Variants in NT5E observed in about 807,000 individuals in gnomAD.
NT5E encodes the protein 5'-nucleotidase.
In NT5E, 53 loss-of-function variants were observed where a neutral mutation model predicts 55.1. That is an observed-to-expected ratio of 0.96 (90% CI 0.77 to 1.21). The LOEUF is 1.21. Ranked by LOEUF, NT5E falls within the 50% of genes most tolerant of loss-of-function variation. The pLI is 0.00. For missense variants in NT5E, 683 were observed against 724.3 expected (o/e 0.94, Z 0.65); for synonymous variants, 270 against 278.4 (o/e 0.97, Z 0.30).
At chr6:85,457,747 T>G (rs564094814) in intron 1 of NT5E, among the ~76,000 whole-genome samples, 2 of 152,294 alleles carry the variant, frequency 1.3e-5, no homozygotes, top group East Asian at 3.9e-4. Flanking sequence ...AAATCTTCAT[T>G]CAGCATTACT....
chr6:85,463,554 A>G (rs563795774), intron 1 of NT5E, among the ~76,000 whole-genome samples: 1 of 152,348 alleles, frequency 6.6e-6, no homozygotes, highest in South Asian at 2.1e-4. Context: ...GAACTTTCAG[A>G]GAGGACCAAA....
chr6:85,476,764 C>T (rs1266105797), intron 3 of NT5E, among the ~76,000 whole-genome samples: 1 of 152,144 alleles, frequency 6.6e-6, no homozygotes, highest in Non-Finnish European at 1.5e-5. Context: ...CCCAGCTGAA[C>T]TCTTCTCCGA....
Position 85,471,405 on chromosome 6 carries a change from C to T in NT5E, c.731C>T (p.Ser244Phe), listed in dbSNP as rs747044272. ...GTGGACGTCGTGGTGGGAGGACACTCCAACACATTTCTTTACACAGGTAAT... is the reference window on the plus strand; with the variant it reads ...GTGGACGTCGTGGTGGGAGGACACTTCAACACATTTCTTTACACAGGTAAT... Reference protein sequence around the residue: ...RGVDVVVGGHSNTFLYTGNPP... With the variant: ...RGVDVVVGGHFNTFLYTGNPP... Residue 244 changes from serine to phenylalanine, a missense_variant, in exon 3 of 9, where the codon TCC (serine) becomes TTC (phenylalanine). Ser to Phe is a radical substitution (Grantham distance 155). Transcript: ENST00000257770. 1.9e-6 allele frequency: 3 copies of T among 1,612,770 alleles called. No individual in the cohort carries two copies. The highest frequency in any genetic ancestry group is 2.5e-6 in the Non-Finnish European group (3 of 1,179,144).
rs1446374628 is a variant in NT5E, at chr6:85,452,880, GT to G, written c.339+2404del. Among the ~76,000 whole-genome samples the G allele has an allele frequency of 6.6e-5, 10 of 152,320 alleles. No individual in the cohort carries two copies. The East Asian group carries it at 1.9e-3, about 29-fold the overall frequency. On this transcript the variant is annotated intron_variant, in intron 1 of 8. Coordinates refer to ENST00000257770, the MANE Select transcript of NT5E (RefSeq NM_002526.4). ...GGGATTCAAATCAGGGTGGAAAACAGTTGTGGAGGGGCATCTCCAGTTTCCT... is the reference window on the plus strand; with the variant it reads ...GGGATTCAAATCAGGGTGGAAAACAGTGTGGAGGGGCATCTCCAGTTTCCT...
Position 85,450,465 on chromosome 6 carries a change from G to C in NT5E, c.326G>C (p.Arg109Pro). The C allele has an allele frequency of 6.3e-7, 1 of 1,595,108 alleles. No homozygotes were observed. Among genetic ancestry groups the C allele is most frequent in the South Asian group, 1.1e-5 (1 of 87,508 alleles). ...AEVAHFMNALRYDAMALGNHE... is the reference protein window; with the variant it reads ...AEVAHFMNALPYDAMALGNHE... Reference sequence around the variant, plus strand: ...GTGGCGCACTTCATGAACGCCCTGCGCTACGATGCCATGGTAAGACCCGAG... The same window carrying C: ...GTGGCGCACTTCATGAACGCCCTGCCCTACGATGCCATGGTAAGACCCGAG... The change falls in exon 1 of 9, where the codon CGC (arginine) becomes CCC (proline). Residue 109 changes from arginine (R) to proline (P), a missense_variant. By Grantham distance (103) the Arg-to-Pro change is moderately radical. Coordinates refer to ENST00000257770, the MANE Select transcript of NT5E (RefSeq NM_002526.4). This position sits in a 1 kb window ranked among gnomAD's most constrained non-coding sequence, Gnocchi z 4.0.
Position 85,487,395 on chromosome 6 carries a change from A to T in NT5E, c.1010A>T (p.Gln337Leu). 1 of 1,613,938 alleles carries T rather than the reference A, an allele frequency of 6.2e-7. No homozygotes were observed. Among genetic ancestry groups the T allele is most frequent in the Non-Finnish European group, 8.5e-7 (1 of 1,179,778 alleles). The change falls in exon 5 of 9, where the codon CAG becomes CTG. Residue 337 changes from glutamine to leucine, a missense_variant. Transcript: ENST00000257770. ...WRIKLDNYST[Q>L]ELGKTIVYLD... Reference sequence around the variant, plus strand: ...ATAAAATTGGATAATTATTCTACCCAGGAATTAGGGAAAACAATTGTCTAT... The same window carrying T: ...ATAAAATTGGATAATTATTCTACCCTGGAATTAGGGAAAACAATTGTCTAT...
chr6:85,467,866 T>G (rs141000275), intron 2 of NT5E, among the ~76,000 whole-genome samples: 24 of 151,658 alleles, frequency 1.6e-4, no homozygotes, highest in African/African-American at 5.8e-4. Context: ...GTATATATAA[T>G]ATATATAATC....
At chr6:85,470,555 A>C (rs1293424065) in intron 2 of NT5E, among the ~76,000 whole-genome samples, 1 of 152,194 alleles carries the variant, frequency 6.6e-6, no homozygotes, top group African/African-American at 2.4e-5. Context: ...GGTTCAAGAC[A>C]TTCTCCTGCC....
intron 3 of NT5E, among the ~76,000 whole-genome samples, chr6:85,476,259 A>G (rs907037600): frequency 6.6e-6 from 1 of 152,146 alleles, no homozygotes; most frequent in Non-Finnish European, 1.5e-5. Context: ...CTGAGACTTG[A>G]TTATCTCCAG....
chr6:85,450,617 G>T lies in NT5E; in HGVS notation c.339+139G>T, dbSNP rs1768835931. The T allele has an allele frequency of 1.3e-6, 1 of 798,916 alleles. No individual in the cohort carries two copies. Among genetic ancestry groups the T allele is most frequent in the African/African-American group, 1.7e-5 (1 of 59,088 alleles). 49.5% of individuals were successfully genotyped at this position (798,916 alleles called of 1,614,324 possible). ...TGGGGATAAAGTGAGACTCCGGCCA[G>T]TGTGCCAGCTGGATGCATAGAAGTC... On this transcript the variant is annotated intron_variant, in intron 1 of 8. Transcript: ENST00000257770. The surrounding 1 kb of genome is among the most constrained non-coding windows in gnomAD (Gnocchi z 4.0).
At chr6:85,458,369 C>T (rs1769027938) in intron 1 of NT5E, among the ~76,000 whole-genome samples, 3 of 152,324 alleles carry the variant, frequency 2.0e-5, no homozygotes, top group African/African-American at 7.2e-5. Context: ...CAGGCCTCTG[C>T]TTCCTCTTTT....
At position 85,450,241 on chromosome 6, in the gene NT5E, C is replaced by T. The variant is rs142909102; in HGVS notation, c.102C>T (p.Thr34=). The T allele has an allele frequency of 1.1e-4, 172 of 1,609,946 alleles. No homozygotes were observed. The highest frequency in any genetic ancestry group is 1.4e-4 in the Non-Finnish European group (163 of 1,179,172). Reference sequence around the variant, plus strand: ...CCTGGGAGCTTACGATTTTGCACACCAACGACGTGCACAGCCGGCTGGAGC... The same window carrying T: ...CCTGGGAGCTTACGATTTTGCACACTAACGACGTGCACAGCCGGCTGGAGC... The part of the protein sequence containing the change: ...AGAWELTILH[T]NDVHSRLEQT... The change falls in exon 1 of 9, where the codon ACC becomes ACT. Residue 34 remains threonine (T), a synonymous_variant. Transcript: ENST00000257770. This position sits in a 1 kb window ranked among gnomAD's most constrained non-coding sequence, Gnocchi z 4.0.
chr6:85,474,753 A>AC lies in NT5E; in HGVS notation c.751+3333dup, dbSNP rs34235733. Among the ~76,000 whole-genome samples, 369 of 152,008 alleles carry AC rather than the reference A, an allele frequency of 2.4e-3. 12 individuals are homozygous for AC. The East Asian group carries it at 0.058, about 24-fold the overall frequency. ...AGACCGGCCTGGGCAAGATAGGGAG[A>AC]CCCCCATATCTACAAAAAAAATTTT... On this transcript the variant is annotated intron_variant, in intron 3 of 8. Transcript: ENST00000257770.
At chr6:85,493,404 AT>A (rs1344215266) in intron 8 of NT5E, among the ~76,000 whole-genome samples, 1 of 152,206 alleles carries the variant, frequency 6.6e-6, no homozygotes, top group Non-Finnish European at 1.5e-5. Context: ...GGCAATTAGC[AT>A]TTATCCTCTC....
chr6:85,491,816 G>C (rs1229596273), intron 7 of NT5E, among the ~76,000 whole-genome samples, 161 bp from the exon 8 acceptor site: 2 of 152,174 alleles, frequency 1.3e-5, no homozygotes, highest in African/African-American at 4.8e-5. Context: ...AAGGATAAAG[G>C]GTGGCTGCAA....
intron 1 of NT5E, among the ~76,000 whole-genome samples, chr6:85,458,899 G>A (rs902904955): frequency 6.6e-5 from 10 of 152,166 alleles, no homozygotes; most frequent in East Asian, 3.8e-4. Context: ...GTTGCAGCTG[G>A]GTTGAACCCC....
intron 1 of NT5E, among the ~76,000 whole-genome samples, chr6:85,455,571 A>G (rs945699672): frequency 6.6e-6 from 1 of 152,176 alleles, no homozygotes; most frequent in African/African-American, 2.4e-5. Context: ...TATCCTTTGT[A>G]TAGCCTTTAT....
At chr6:85,493,169 C>T (rs889770657) in intron 8 of NT5E, among the ~76,000 whole-genome samples, 3 of 152,170 alleles carry the variant, frequency 2.0e-5, no homozygotes, top group African/African-American at 7.2e-5. Flanking sequence ...ACTTCAGGAG[C>T]ATTTTAAATT....
At chr6:85,470,036 A>G (rs1384717293) in intron 2 of NT5E, among the ~76,000 whole-genome samples, 1 of 152,186 alleles carries the variant, frequency 6.6e-6, no homozygotes, top group Non-Finnish European at 1.5e-5. Flanking sequence ...ATGAAATGTC[A>G]TTCTCCCACC....
Sources: gnomAD v4.1 joint callset for allele counts (sites outside exome capture counted in the v4.1 genomes callset) on GRCh38, gnomAD v4.1.1 for gene constraint, Gnocchi (gnomAD v3.1) non-coding constraint, MANE v1.5 for transcripts, NCBI Gene and HGNC (gene_info 2026-07-23, HGNC 2026-07-21) for gene names.